TSHZ2: variants seen among roughly 807,000 people sequenced by gnomAD.
TSHZ2 encodes the protein teashirt zinc finger homeobox 2, also known as teashirt homolog 2.
TSHZ2 carries 21 observed loss-of-function variants against 74.4 expected under a neutral mutation model. That is an observed-to-expected ratio of 0.28 (90% CI 0.20 to 0.41). The LOEUF is 0.41. TSHZ2 is among the 10% of genes least tolerant of loss of function. The pLI is 1.00. For synonymous variants in TSHZ2, 540 were observed against 515.3 expected (o/e 1.05, Z -0.65); for missense variants, 1,244 against 1,293.5 (o/e 0.96, Z 0.59).
In TSHZ2 at chr20:53,407,001, C is replaced by G. The variant is rs114357243; in HGVS notation, c.*9-80143C>G. ...CTCAGCCCCACTTCAGGGTCTCTCACTAAAGCACCAATGAGCAATGGGGAT... is the reference window on the plus strand; with the variant it reads ...CTCAGCCCCACTTCAGGGTCTCTCAGTAAAGCACCAATGAGCAATGGGGAT... On this transcript the variant is annotated intron_variant, in intron 2 of 2. Coordinates refer to ENST00000371497, the MANE Select transcript of TSHZ2 (RefSeq NM_173485.6). Among the ~76,000 whole-genome samples, 572 of 152,300 alleles carry G rather than the reference C, an allele frequency of 3.8e-3. 8 individuals carry two copies. The highest frequency in any genetic ancestry group is 0.013 in the African/African-American group (547 of 41,568).
intron 1 of TSHZ2, among the ~76,000 whole-genome samples, chr20:53,190,008 AG>A (rs1988688679): frequency 7.0e-6 from 1 of 142,986 alleles, no homozygotes; most frequent in South Asian, 2.3e-4. Context: ...CACCCGAGCC[AG>A]GGCAGGTTGA....
At chr20:53,442,254 T>C (rs1984363733) in intron 2 of TSHZ2, among the ~76,000 whole-genome samples, 1 of 152,210 alleles carries the variant, frequency 6.6e-6, no homozygotes, top group Admixed American at 6.5e-5. Flanking sequence ...CAACCGCCAC[T>C]AATCTCCTTC....
chr20:53,363,024 C>T (rs1222924188), intron 2 of TSHZ2, among the ~76,000 whole-genome samples: 3 of 152,216 alleles, frequency 2.0e-5, no homozygotes, highest in Non-Finnish European at 2.9e-5. Context: ...TAGGATTTAA[C>T]GAATGCCCCA....
chr20:53,317,127 A>G (rs993846637), intron 2 of TSHZ2, among the ~76,000 whole-genome samples: 2 of 152,146 alleles, frequency 1.3e-5, no homozygotes, highest in African/African-American at 2.4e-5. Context: ...AATATTCCCA[A>G]ATGCAACAAT....
At chr20:53,282,254 C>T (rs764326475) in intron 2 of TSHZ2, among the ~76,000 whole-genome samples, 2 of 152,212 alleles carry the variant, frequency 1.3e-5, no homozygotes, top group Non-Finnish European at 2.9e-5. Flanking sequence ...GAAGAGGTGA[C>T]TTTCACCTGA....
chr20:53,228,871 G>A (rs369557801), intron 1 of TSHZ2, among the ~76,000 whole-genome samples: 7 of 152,310 alleles, frequency 4.6e-5, no homozygotes, highest in African/African-American at 1.7e-4. Flanking sequence ...GAGAATCCGT[G>A]CCCGAAAGAC....
intron 1 of TSHZ2, among the ~76,000 whole-genome samples, chr20:53,027,713 C>G (rs549753843): frequency 1.3e-5 from 2 of 151,950 alleles, no homozygotes; most frequent in Non-Finnish European, 2.9e-5. Context: ...AAGTTAAGAT[C>G]GTGCCACTAC....
intron 2 of TSHZ2, among the ~76,000 whole-genome samples, chr20:53,485,564 C>T (rs543801736): frequency 1.3e-5 from 2 of 152,072 alleles, no homozygotes; most frequent in Non-Finnish European, 2.9e-5. Context: ...CAAAAATTAG[C>T]TGGGCATGGT....
intron 2 of TSHZ2, among the ~76,000 whole-genome samples, chr20:53,290,417 T>A (rs1031982214): frequency 7.9e-5 from 12 of 152,218 alleles, no homozygotes; most frequent in African/African-American, 2.6e-4. Flanking sequence ...TAATTTTTTT[T>A]AATTGAGCAA....
chr20:53,090,663 A>G (rs948854691), intron 1 of TSHZ2, among the ~76,000 whole-genome samples: 1 of 152,214 alleles, frequency 6.6e-6, no homozygotes, highest in African/African-American at 2.4e-5. Flanking sequence ...CTCCGAGCCC[A>G]CAAGCCCAGG....
intron 1 of TSHZ2, among the ~76,000 whole-genome samples, chr20:53,013,841 T>G (rs919055648): frequency 6.6e-6 from 1 of 150,848 alleles, no homozygotes; most frequent in African/African-American, 2.4e-5. Context: ...TCAGGCTCAT[T>G]TATTTATTCT....
intron 1 of TSHZ2, among the ~76,000 whole-genome samples, chr20:53,149,432 AAG>A (rs887169040): frequency 4.6e-5 from 7 of 152,184 alleles, no homozygotes; most frequent in African/African-American, 1.2e-4. Flanking sequence ...GGCTAAAAGA[AAG>A]AGAGAACATC....
At chr20:53,486,063 C>T (rs144028308) in intron 2 of TSHZ2, among the ~76,000 whole-genome samples, 113 of 152,292 alleles carry the variant, frequency 7.4e-4, no homozygotes, top group African/African-American at 2.7e-3. Flanking sequence ...CCCACCTCAT[C>T]CCCAGTCCCT....
At chr20:52,997,335 A>G (rs1235334981) in intron 1 of TSHZ2, among the ~76,000 whole-genome samples, 1 of 149,536 alleles carries the variant, frequency 6.7e-6, no homozygotes, top group Non-Finnish European at 1.5e-5. Flanking sequence ...CTGATCACCA[A>G]TAGTGATCAG....
intron 1 of TSHZ2, among the ~76,000 whole-genome samples, chr20:53,072,883 A>G (rs558644682): frequency 6.6e-6 from 1 of 152,148 alleles, no homozygotes; most frequent in African/African-American, 2.4e-5. Flanking sequence ...CCATCCATCA[A>G]TCCATTCATT....
At chr20:53,140,810 G>A (rs756186382) in intron 1 of TSHZ2, among the ~76,000 whole-genome samples, 37 of 152,156 alleles carry the variant, frequency 2.4e-4, no homozygotes, top group Non-Finnish European at 2.9e-4. Context: ...GGAAGAGGGA[G>A]AGCTTTGGGG....
chr20:53,203,661 A>T (rs1033427932), intron 1 of TSHZ2, among the ~76,000 whole-genome samples: 17 of 152,204 alleles, frequency 1.1e-4, no homozygotes, highest in African/African-American at 3.9e-4. Context: ...CAAGGGTGCC[A>T]GGTGGAGTGT....
chr20:53,228,970 C>T (rs1378426375), intron 1 of TSHZ2, among the ~76,000 whole-genome samples: 1 of 152,178 alleles, frequency 6.6e-6, no homozygotes, highest in African/African-American at 2.4e-5. Context: ...GTGTCTCACA[C>T]GATCATTCTT....
chr20:53,369,431 G>A (rs1981386950), intron 2 of TSHZ2, among the ~76,000 whole-genome samples: 1 of 152,130 alleles, frequency 6.6e-6, no homozygotes, highest in South Asian at 2.1e-4. Context: ...AGGAGGCCGA[G>A]CGCTGTGGCT....
Sources: gnomAD v4.1 joint callset for allele counts (sites outside exome capture counted in the v4.1 genomes callset) on GRCh38, gnomAD v4.1.1 for gene constraint, MANE v1.5 for transcripts, NCBI Gene and HGNC (gene_info 2026-07-23, HGNC 2026-07-21) for gene names.